TRHDE: variants seen among roughly 807,000 people sequenced by gnomAD.
TRHDE encodes the protein thyrotropin-releasing hormone-degrading ectoenzyme.
Under a neutral mutation model 125.7 loss-of-function variants are expected in TRHDE, and 72 were observed. The ratio of observed to expected loss-of-function variants is 0.57; its 90% CI spans 0.47 to 0.70. The LOEUF is 0.70. Among genes scored for constraint, TRHDE ranks in the 30% least tolerant of loss-of-function variants. The pLI is 0.00. For missense variants in TRHDE, 1,110 were observed against 1,327.1 expected (o/e 0.84, Z 2.54); for synonymous variants, 509 against 509.1 (o/e 1.00, Z 0.00).
At chr12:72,629,172 C>T (rs1049995418) in intron 15 of TRHDE, among the ~76,000 whole-genome samples, 1 of 151,902 alleles carries the variant, frequency 6.6e-6, no homozygotes, top group South Asian at 2.1e-4. Context: ...ATTTAAAATG[C>T]AGAAATAATC....
At chr12:72,495,060 GTTTTTT>G (rs751243542) in intron 5 of TRHDE, among the ~76,000 whole-genome samples, 8 of 58,390 alleles carry the variant, frequency 1.4e-4, no homozygotes, top group Admixed American at 1.0e-3. Context: ...TTCCTCCCCC[GTTTTTT>G]TTTTTTTTTT....
intron 2 of TRHDE, among the ~76,000 whole-genome samples, chr12:72,309,099 A>G (rs1314887718): frequency 6.6e-6 from 1 of 152,206 alleles, no homozygotes; most frequent in Non-Finnish European, 1.5e-5. Context: ...CAATCAAGAC[A>G]GTTTCCATCG....
chr12:72,567,176 A>C (rs1026376981), intron 9 of TRHDE, among the ~76,000 whole-genome samples: 1 of 151,944 alleles, frequency 6.6e-6, no homozygotes, highest in Non-Finnish European at 1.5e-5. Context: ...AAGAGTTTAC[A>C]TGAGTTGTTG....
intron 5 of TRHDE, among the ~76,000 whole-genome samples, chr12:72,481,534 T>C (rs576270376): frequency 6.6e-6 from 1 of 151,728 alleles, no homozygotes; most frequent in East Asian, 1.9e-4. Context: ...TGTCAGTACC[T>C]GGAGAATGTC....
chr12:72,392,074 G>A (rs898441288), intron 3 of TRHDE, among the ~76,000 whole-genome samples: 6 of 152,122 alleles, frequency 3.9e-5, no homozygotes, highest in Non-Finnish European at 8.8e-5. Flanking sequence ...AAAGCAAGAG[G>A]ATGGCCATCT....
chr12:72,416,300 C>T (rs1479829643), intron 3 of TRHDE, among the ~76,000 whole-genome samples: 2 of 151,958 alleles, frequency 1.3e-5, no homozygotes, highest in Non-Finnish European at 2.9e-5. Flanking sequence ...TTTTTAATCT[C>T]TTGTCAGATG....
At chr12:72,359,721 C>T (rs1792483498) in intron 2 of TRHDE, among the ~76,000 whole-genome samples, 1 of 151,642 alleles carries the variant, frequency 6.6e-6, no homozygotes, top group South Asian at 2.1e-4. Flanking sequence ...GTCAAGTTGA[C>T]ATGCAAATAC....
chr12:72,353,616 G>T (rs1035106387), intron 2 of TRHDE, among the ~76,000 whole-genome samples: 1 of 151,446 alleles, frequency 6.6e-6, no homozygotes, highest in Non-Finnish European at 1.5e-5. Flanking sequence ...TCACAGAGCA[G>T]TTAATATACT....
chr12:72,646,043 G>A (rs1874266592), intron 15 of TRHDE, among the ~76,000 whole-genome samples: 1 of 152,040 alleles, frequency 6.6e-6, no homozygotes, highest in Non-Finnish European at 1.5e-5. Flanking sequence ...AAACTCACTG[G>A]TAAAAATCAA....
At chr12:72,115,702 C>G (rs1875427457) in intron 2 of TRHDE, among the ~76,000 whole-genome samples, 1 of 152,144 alleles carries the variant, frequency 6.6e-6, no homozygotes, top group African/African-American at 2.4e-5. Context: ...CACATCCTCA[C>G]TAGCATTTAT....
At chr12:72,637,247 G>A (rs532654590) in intron 15 of TRHDE, among the ~76,000 whole-genome samples, 37 of 152,180 alleles carry the variant, frequency 2.4e-4, no homozygotes, top group Admixed American at 5.9e-4. Flanking sequence ...TGTTTGTGTC[G>A]AGGCATTTAT....
chr12:72,376,831 T>C (rs1871906479), intron 2 of TRHDE, among the ~76,000 whole-genome samples: 1 of 152,176 alleles, frequency 6.6e-6, no homozygotes, highest in Non-Finnish European at 1.5e-5. Flanking sequence ...AATTTCTTTT[T>C]TTATTGAATG....
At chr12:72,354,193 CAT>C (rs1167525667) in intron 2 of TRHDE, among the ~76,000 whole-genome samples, 1 of 151,464 alleles carries the variant, frequency 6.6e-6, no homozygotes, top group Non-Finnish European at 1.5e-5. Flanking sequence ...GACATTATAA[CAT>C]AATACCATTT....
At chr12:72,299,627 A>G (rs780612608) in intron 2 of TRHDE, among the ~76,000 whole-genome samples, 1 of 152,236 alleles carries the variant, frequency 6.6e-6, no homozygotes, top group Non-Finnish European at 1.5e-5. Flanking sequence ...TAACTGACTG[A>G]GCAGAATTCA....
intron 15 of TRHDE, 144 bp downstream of exon 15, chr12:72,621,895 C>A: frequency 1.6e-6 from 1 of 612,552 alleles, no homozygotes; most frequent in Non-Finnish European, 2.8e-6. Context: ...AGGTTCACAG[C>A]TTCCAAGGCA....
rs573247200 is a variant in TRHDE, at chr12:72,201,165, G to C, written n.279+95413G>C. 2.0e-5 allele frequency among the ~76,000 whole-genome samples: 3 copies of C among 152,234 alleles called. No homozygotes were observed. The South Asian group carries it at 6.2e-4, about 32-fold the overall frequency. ...AATGGAAAGAGATGCAATTGAAGTA[G>C]GGATCAGATCATGGAGTCTTCATAA... On this transcript the variant is annotated intron_variant and non_coding_transcript_variant, in intron 2 of 4. Transcript: ENST00000548156.
chr12:72,115,335 A>G (rs1315421812), intron 2 of TRHDE, among the ~76,000 whole-genome samples: 1 of 148,626 alleles, frequency 6.7e-6, no homozygotes, highest in Non-Finnish European at 1.5e-5. Flanking sequence ...CACTTAACAT[A>G]ATGACCTCTA....
chr12:72,503,449 A>C (rs143015915), intron 6 of TRHDE, among the ~76,000 whole-genome samples: 4 of 152,360 alleles, frequency 2.6e-5, no homozygotes, highest in African/African-American at 9.6e-5. Flanking sequence ...TAGAAGAGAT[A>C]TAACAATCAA....
At chr12:72,454,335 CTATT>C (rs1323153486) in intron 3 of TRHDE, among the ~76,000 whole-genome samples, 2 of 151,914 alleles carry the variant, frequency 1.3e-5, no homozygotes, top group African/African-American at 4.8e-5. Flanking sequence ...TTTAAGCTGT[CTATT>C]TATTTTGTGA....
Sources: allele counts gnomAD v4.1 joint callset (sites outside exome capture counted in the v4.1 genomes callset), GRCh38; gene constraint gnomAD v4.1.1; transcripts MANE v1.5; gene names NCBI Gene and HGNC (gene_info 2026-07-23, HGNC 2026-07-21).